The following TUBE1 variants were observed in gnomAD, a reference collection of about 807,000 sequenced individuals.
TUBE1 encodes the protein tubulin epsilon 1.
Under a neutral mutation model 53.5 loss-of-function variants are expected in TUBE1, and 34 were observed. The ratio of observed to expected loss-of-function variants is 0.64; its 90% CI spans 0.48 to 0.85. The LOEUF is 0.85. TUBE1 is among the 40% of genes least tolerant of loss of function. TUBE1 has a pLI of 0.00. For synonymous variants in TUBE1, 177 were observed against 198.4 expected, an observed-to-expected ratio of 0.89 and a Z score of 0.91; for missense variants, 532 against 570.5, an observed-to-expected ratio of 0.93 and a Z score of 0.69.
Position 112,071,154 on chromosome 6 carries a change from T to G in TUBE1, c.*258A>C, listed in dbSNP as rs1776851219. 7 of 308,226 alleles carry G rather than the reference T, an allele frequency of 2.3e-5. No homozygotes were observed. The highest frequency in any genetic ancestry group is 9.5e-4 in the Middle Eastern group (1 of 1,054). 19.1% of individuals were successfully genotyped at this position (308,226 alleles called of 1,614,324 possible). ...ATGAGGCTATAAATACAGCAAAATA[T>G]TCAAGAACTATGTTATCTCAATTTT... On this transcript the variant is annotated 3_prime_UTR_variant, in exon 12 of 12. Coordinates refer to ENST00000368662, the MANE Select transcript of TUBE1 (RefSeq NM_016262.5).
intron 4 of TUBE1, 29 bp from the exon 5 acceptor site, chr6:112,081,236 T>C (rs781848722): frequency 7.8e-7 from 1 of 1,278,332 alleles, no homozygotes; most frequent in South Asian, 1.3e-5. Flanking sequence ...ATATAATTAA[T>C]GTATTTTCTT....
At position 112,087,454 on chromosome 6, in the gene TUBE1, C is replaced by G. The variant is rs771138356; in HGVS notation, c.-20G>C. 7.2e-5 allele frequency: 111 copies of G among 1,549,266 alleles called. No individual in the cohort carries two copies. Among genetic ancestry groups the G allele is most frequent in the Non-Finnish European group, 9.3e-5 (106 of 1,145,860 alleles). ...GGTCATGGTGGTGCGCCGCCGGCTC[C>G]GGGAGCTTGCTAGCCCGCGGCCGCT... is the stretch of plus-strand genomic sequence containing the variant. On this transcript the variant is annotated 5_prime_UTR_variant, in exon 1 of 12. Coordinates refer to ENST00000368662, the MANE Select transcript of TUBE1 (RefSeq NM_016262.5).
chr6:112,075,064 C>A (rs144713684), intron 8 of TUBE1: 14 of 165,302 alleles, frequency 8.5e-5, no homozygotes, highest in East Asian at 1.2e-4. Flanking sequence ...TTTTTTTTTT[C>A]TTTCTTTTTT....
intron 3 of TUBE1, among the ~76,000 whole-genome samples, chr6:112,084,662 G>A (rs1777120356): frequency 6.6e-6 from 1 of 152,152 alleles, no homozygotes; most frequent in Non-Finnish European, 1.5e-5. Flanking sequence ...CACACTTATG[G>A]ACAGTGGAAC....
chr6:112,079,388 T>C, intron 6 of TUBE1: 1 of 312,570 alleles, frequency 3.2e-6, no homozygotes, highest in Non-Finnish European at 5.7e-6. Context: ...AATTTTCCAG[T>C]ATAGTTCTGT....
rs587632623 is a variant in TUBE1 at position 112,074,179 on chromosome 6, T to G, written c.953+531A>C. ...ACATGCTAAGAGTATCTTTCAAAAC[T>G]ACATTTTTTGTTAAGTATACTGATG... On this transcript the variant is annotated intron_variant, in intron 9 of 11. Coordinates refer to ENST00000368662, the MANE Select transcript of TUBE1 (RefSeq NM_016262.5). Among the ~76,000 whole-genome samples, 21 of 152,324 alleles carry G rather than the reference T, an allele frequency of 1.4e-4. No homozygotes were observed. The East Asian group carries it at 4.0e-3, about 29-fold the overall frequency.
In TUBE1 at chr6:112,087,392, C is replaced by T; in HGVS notation, c.25+18G>A. The T allele has an allele frequency of 8.4e-6, 13 of 1,551,416 alleles. No homozygotes were observed. The highest frequency in any genetic ancestry group is 1.7e-4 in the Middle Eastern group (1 of 5,992). ...GATTCCGCGGCGACCAGGTCTCTACCCGCCCGGCGTAGCTTACCCTGTACG... is the reference window on the plus strand; with the variant it reads ...GATTCCGCGGCGACCAGGTCTCTACTCGCCCGGCGTAGCTTACCCTGTACG... On this transcript the variant is annotated intron_variant, in intron 1 of 11. Transcript: ENST00000368662.
chr6:112,085,798 CCTGGCTGTA>C, intron 3 of TUBE1: 3 of 456,544 alleles, frequency 6.6e-6, no homozygotes, highest in Non-Finnish European at 1.3e-5. Flanking sequence ...CTTTGGTTAA[CCTGGCTGTA>C]CTGGAGAGCA....
Position 112,087,424 on chromosome 6 carries a change from G to A in TUBE1, c.11C>T (p.Ser4Leu), listed in dbSNP as rs782014165. The A allele has an allele frequency of 2.6e-6, 4 of 1,551,204 alleles. No homozygotes were observed. Among genetic ancestry groups the A allele is most frequent in the African/African-American group, 1.4e-5 (1 of 73,032 alleles). Residue 4 changes from serine (S) to leucine (L), a missense_variant, in exon 1 of 12, where the codon TCG becomes TTG. Ser to Leu is a moderately radical substitution (Grantham distance 145). Coordinates refer to ENST00000368662, the MANE Select transcript of TUBE1 (RefSeq NM_016262.5). The part of the protein sequence containing the change: MTQ[S>L]VVVQVGQCGN... ...GCGTAGCTTACCCTGTACGACCACCGACTGGGTCATGGTGGTGCGCCGCCG... is the reference window on the plus strand; with the variant it reads ...GCGTAGCTTACCCTGTACGACCACCAACTGGGTCATGGTGGTGCGCCGCCG...
At chr6:112,072,445 A>T (rs782730948) in intron 10 of TUBE1, among the ~76,000 whole-genome samples, 1 of 152,080 alleles carries the variant, frequency 6.6e-6, no homozygotes, top group African/African-American at 2.4e-5. Context: ...CAAAAATCAG[A>T]AGTAGTAGTA....
In TUBE1 at chr6:112,074,445, A is replaced by C. The variant is rs146338867; in HGVS notation, c.953+265T>G. On this transcript the variant is annotated intron_variant, in intron 9 of 11. Coordinates refer to ENST00000368662, the MANE Select transcript of TUBE1 (RefSeq NM_016262.5). ...TGTAGCTAGCGACAGTTAGGATTCA[A>C]ATGTGTTTGTCAGACTTCAAAGGAC... Among the ~76,000 whole-genome samples, 1,028 of 152,228 alleles carry C rather than the reference A, an allele frequency of 6.8e-3. 8 individuals are homozygous for C. The highest frequency in any genetic ancestry group is 0.024 in the African/African-American group (987 of 41,486).
At chr6:112,086,436 A>G (rs1323748995) in intron 3 of TUBE1, 120 bp downstream of exon 3, 3 of 590,044 alleles carry the variant, frequency 5.1e-6, no homozygotes, top group Non-Finnish European at 8.6e-6. Context: ...TATGCTTTCA[A>G]TAATGAAACA....
In TUBE1 at chr6:112,081,199, C is replaced by T; in HGVS notation, c.219G>A (p.Leu73=). ...KICSLKARAV[L]IDMEEGVVNE... is the part of the protein sequence containing the mutation. ...TCACTACCCCTTCTTCCATATCAAT[C>T]AAGACTGCCTGAGAAAGAAAAATAA... The change falls in exon 5 of 12, where the codon TTG becomes TTA. Residue 73 remains leucine, a synonymous_variant. Coordinates refer to ENST00000368662, the MANE Select transcript of TUBE1 (RefSeq NM_016262.5). 6.4e-7 allele frequency: 1 copy of T among 1,573,836 alleles called. No individual in the cohort carries two copies. The highest frequency in any genetic ancestry group is 2.2e-5 in the East Asian group (1 of 44,542).
At chr6:112,082,124 C>T (rs1777081068) in intron 4 of TUBE1, among the ~76,000 whole-genome samples, 1 of 152,046 alleles carries the variant, frequency 6.6e-6, no homozygotes, top group South Asian at 2.1e-4. Flanking sequence ...ATTAACCATG[C>T]TACTTCAAGA....
chr6:112,071,622 T>G (rs781942883), intron 11 of TUBE1, 52 bp from the exon 12 acceptor site: 6 of 1,404,288 alleles, frequency 4.3e-6, no homozygotes, highest in South Asian at 1.4e-5. Flanking sequence ...CTTTAATACA[T>G]AAGACTATCC....
chr6:112,075,064 C>CTTTTTTTTTTTTTTTTTTT (rs781833721), intron 8 of TUBE1: 1 of 164,852 alleles, frequency 6.1e-6, no homozygotes. Context: ...TTTTTTTTTT[C>CTTTTTTTTTTTTTTTTTTT]TTTCTTTTTT....
At chr6:112,077,869 G>A (rs1776998161) in intron 6 of TUBE1, 1 of 151,862 alleles carries the variant, frequency 6.6e-6, no homozygotes, top group African/African-American at 2.4e-5. Flanking sequence ...TACATATGAT[G>A]GGAAGGACTA....
intron 4 of TUBE1, 155 bp downstream of exon 4, chr6:112,084,034 G>A: frequency 1.6e-6 from 1 of 633,078 alleles, no homozygotes; most frequent in Non-Finnish European, 2.8e-6. Context: ...TGTGTTAGGT[G>A]GACACAAATG....
intron 1 of TUBE1, 49 bp downstream of exon 1, chr6:112,087,361 C>T: frequency 6.4e-7 from 1 of 1,551,188 alleles, no homozygotes; most frequent in East Asian, 2.4e-5. Flanking sequence ...GGAAACATGG[C>T]CGCTGGATTC....
Sources: allele counts gnomAD v4.1 joint callset (sites outside exome capture counted in the v4.1 genomes callset), GRCh38; gene constraint gnomAD v4.1.1; transcripts MANE v1.5; gene names NCBI Gene and HGNC (gene_info 2026-07-23, HGNC 2026-07-21).